CRYL1: variants seen among roughly 807,000 people sequenced by gnomAD.
The protein encoded by CRYL1 is lambda-crystallin homolog.
CRYL1 carries 29 observed loss-of-function variants against 36.6 expected under a neutral mutation model. The ratio of observed to expected loss-of-function variants is 0.79; its 90% CI spans 0.59 to 1.08. The LOEUF (loss-of-function observed/expected upper bound fraction) is 1.08, where lower values mean the gene tolerates loss of function less well. Among genes scored for constraint, CRYL1 ranks in the 50% least tolerant of loss-of-function variants. The pLI is 0.00. For missense variants in CRYL1, 411 were observed against 407.9 expected, an observed-to-expected ratio of 1.01 and a Z score of -0.06; for synonymous variants, 152 against 151.5, an observed-to-expected ratio of 1.00 and a Z score of -0.02.
chr13:20,467,664 T>C (rs1029370153), intron 3 of CRYL1, among the ~76,000 whole-genome samples: 3 of 152,012 alleles, frequency 2.0e-5, no homozygotes, highest in Admixed American at 2.0e-4. Context: ...CTACTAAAAA[T>C]ACAAAAATTA....
intron 3 of CRYL1, among the ~76,000 whole-genome samples, chr13:20,475,346 A>T (rs1010342624): frequency 1.3e-5 from 2 of 152,154 alleles, no homozygotes; most frequent in Non-Finnish European, 2.9e-5. Context: ...TGAGATCTTT[A>T]TCCTGTCATT....
At chr13:20,449,400 T>A (rs2032521726) in intron 3 of CRYL1, among the ~76,000 whole-genome samples, 1 of 152,100 alleles carries the variant, frequency 6.6e-6, no homozygotes, top group Non-Finnish European at 1.5e-5. Context: ...TTAAAAAAGA[T>A]GTATAAATAA....
At chr13:20,493,023 G>C (rs113640220) in intron 2 of CRYL1, among the ~76,000 whole-genome samples, 1 of 152,056 alleles carries the variant, frequency 6.6e-6, no homozygotes, top group African/African-American at 2.4e-5. Context: ...TCTCTTTTTC[G>C]CCAATGATGT....
At chr13:20,468,983 G>A (rs1361324440) in intron 3 of CRYL1, among the ~76,000 whole-genome samples, 6 of 152,160 alleles carry the variant, frequency 3.9e-5, no homozygotes, top group Non-Finnish European at 7.3e-5. Context: ...AAACAATAAT[G>A]TGAGGTAAGA....
At chr13:20,440,006 T>C (rs1006290000) in intron 3 of CRYL1, 9 of 394,252 alleles carry the variant, frequency 2.3e-5, no homozygotes, top group African/African-American at 1.4e-4. Context: ...AAGCAGGGCA[T>C]AAGACCCTCA....
intron 3 of CRYL1, among the ~76,000 whole-genome samples, chr13:20,459,031 C>A (rs887584219): frequency 6.6e-6 from 1 of 152,068 alleles, no homozygotes; most frequent in Non-Finnish European, 1.5e-5. Context: ...GTCAGGAGAT[C>A]AAGACCATCC....
chr13:20,494,803 G>A (rs1008940226), intron 2 of CRYL1, among the ~76,000 whole-genome samples: 8 of 152,160 alleles, frequency 5.3e-5, no homozygotes, highest in African/African-American at 1.9e-4. Context: ...ACAACCACTC[G>A]CCTCTTTCAG....
At chr13:20,499,608 T>C (rs1018253515) in intron 2 of CRYL1, among the ~76,000 whole-genome samples, 36 of 150,488 alleles carry the variant, frequency 2.4e-4, no homozygotes, top group African/African-American at 8.1e-4. Flanking sequence ...GCCGAGATCA[T>C]GCCACTGCAC....
At chr13:20,417,780 G>C (rs1174201886) in intron 5 of CRYL1, among the ~76,000 whole-genome samples, 1 of 152,224 alleles carries the variant, frequency 6.6e-6, no homozygotes, top group Non-Finnish European at 1.5e-5. Context: ...CCCAGGCTGA[G>C]AGGAGCCACA....
intron 5 of CRYL1, among the ~76,000 whole-genome samples, chr13:20,420,681 A>T (rs1052717825): frequency 5.3e-5 from 7 of 130,970 alleles, no homozygotes; most frequent in Admixed American, 1.5e-4. Flanking sequence ...TTTCCCTTTG[A>T]CTTTTCTTTA....
intron 5 of CRYL1, chr13:20,427,344 G>A (rs2031955197): frequency 2.0e-6 from 2 of 984,602 alleles, no homozygotes; most frequent in South Asian, 9.4e-5. Context: ...TCTGTGAGAT[G>A]GCACAATAGA....
intron 4 of CRYL1, among the ~76,000 whole-genome samples, chr13:20,437,317 T>G (rs1306013412): frequency 4.6e-5 from 7 of 151,764 alleles, no homozygotes; most frequent in Admixed American, 4.6e-4. Flanking sequence ...TAATTTTTTT[T>G]TTTTTTTTGA....
chr13:20,488,799 G>A (rs553846747), intron 3 of CRYL1, among the ~76,000 whole-genome samples: 148 of 152,334 alleles, frequency 9.7e-4, no homozygotes, highest in African/African-American at 3.3e-3. Flanking sequence ...CTCCAGGAGC[G>A]GGATGCCTGG....
intron 2 of CRYL1, among the ~76,000 whole-genome samples, chr13:20,498,061 T>C (rs1229502592): frequency 1.3e-5 from 2 of 149,370 alleles, no homozygotes; most frequent in African/African-American, 2.5e-5. Flanking sequence ...ACACACACCC[T>C]ATACACACTA....
At chr13:20,436,411 C>G (rs1427714633) in intron 4 of CRYL1, among the ~76,000 whole-genome samples, 8 of 152,234 alleles carry the variant, frequency 5.3e-5, no homozygotes, top group African/African-American at 1.9e-4. Context: ...GACTGCAGTG[C>G]AACATGCACA....
chr13:20,503,396 G>C (rs2033738569), intron 2 of CRYL1, among the ~76,000 whole-genome samples: 1 of 152,228 alleles, frequency 6.6e-6, no homozygotes, highest in Non-Finnish European at 1.5e-5. Context: ...GGCTGGTCTA[G>C]GATGGCTTCC....
At chr13:20,420,820 C>T (rs1346921506) in intron 5 of CRYL1, among the ~76,000 whole-genome samples, 2 of 150,740 alleles carry the variant, frequency 1.3e-5, no homozygotes, top group East Asian at 2.0e-4. Flanking sequence ...ACTGCGACCT[C>T]CGCCTCCTGG....
chr13:20,460,149 T>C (rs1174264218), intron 3 of CRYL1, among the ~76,000 whole-genome samples: 1 of 152,198 alleles, frequency 6.6e-6, no homozygotes, highest in East Asian at 1.9e-4. Context: ...GATGTGCCAA[T>C]ACTTAACCAT....
chr13:20,431,964 A>G (rs1188540879), intron 5 of CRYL1, 138 bp downstream of exon 5: 4 of 1,547,588 alleles, frequency 2.6e-6, no homozygotes, highest in Non-Finnish European at 2.6e-6. Context: ...ATAGAGCAAG[A>G]AGAAGCAAGC....
Sources: allele counts gnomAD v4.1 joint callset (sites outside exome capture counted in the v4.1 genomes callset), GRCh38; gene constraint gnomAD v4.1.1; transcripts MANE v1.5; gene names NCBI Gene and HGNC (gene_info 2026-07-23, HGNC 2026-07-21).